The following CRTC3 variants were observed in gnomAD, a reference collection of about 807,000 sequenced individuals.
CRTC3 encodes CREB regulated transcription coactivator 3, also known as CREB-regulated transcription coactivator 3.
Under a neutral mutation model 74.5 loss-of-function variants are expected in CRTC3, and 26 were observed. That is an observed-to-expected ratio of 0.35 (90% CI 0.26 to 0.48). CRTC3 has a LOEUF of 0.48. CRTC3 is among the 20% of genes least tolerant of loss of function. The pLI is 0.99. For synonymous variants in CRTC3, 377 were observed against 325.8 expected, an observed-to-expected ratio of 1.16 and a Z score of -1.69; for missense variants, 760 against 787.3, an observed-to-expected ratio of 0.97 and a Z score of 0.41.
Position 90,642,952 on chromosome 15 carries a change from T to C in CRTC3, c.*812T>C. On this transcript the variant is annotated 3_prime_UTR_variant, in exon 15 of 15. Coordinates refer to ENST00000268184, the MANE Select transcript of CRTC3 (RefSeq NM_022769.5). ...CATACTCAGTGGCCTCCAGACAAAC[T>C]CCAGACAAGCACAGACCTCCCCACT... 1 of 232,510 alleles carries C rather than the reference T, an allele frequency of 4.3e-6. No homozygotes were observed. The highest frequency in any genetic ancestry group is 8.5e-6 in the Non-Finnish European group (1 of 117,830). The allele number at this position is 232,510 out of a possible 1,614,324, so 14.4% of individuals were successfully genotyped here.
intron 2 of CRTC3, among the ~76,000 whole-genome samples, chr15:90,557,447 C>T (rs993108297): frequency 1.1e-4 from 17 of 152,168 alleles, no homozygotes; most frequent in African/African-American, 2.7e-4. Context: ...CAAACTAGCA[C>T]GCCCCCTTCC....
At chr15:90,557,182 A>G (rs1478087100) in intron 2 of CRTC3, among the ~76,000 whole-genome samples, 1 of 152,088 alleles carries the variant, frequency 6.6e-6, no homozygotes, top group Non-Finnish European at 1.5e-5. Flanking sequence ...TCTGAGAACA[A>G]ACTTAGCAAA....
intron 2 of CRTC3, among the ~76,000 whole-genome samples, chr15:90,552,383 C>T (rs1966861282): frequency 6.6e-6 from 1 of 152,242 alleles, no homozygotes; most frequent in Admixed American, 6.5e-5. Context: ...AGAGTCTCCA[C>T]AGAGATCTCA....
intron 6 of CRTC3, among the ~76,000 whole-genome samples, chr15:90,610,768 G>A (rs557833770): frequency 6.6e-6 from 1 of 152,314 alleles, no homozygotes; most frequent in South Asian, 2.1e-4. Flanking sequence ...CATAGCCTAG[G>A]ACTGTCTCCT....
At chr15:90,581,594 T>C (rs965453792) in intron 2 of CRTC3, among the ~76,000 whole-genome samples, 1 of 152,182 alleles carries the variant, frequency 6.6e-6, no homozygotes, top group Non-Finnish European at 1.5e-5. Flanking sequence ...TTTATGACAG[T>C]ATCATAACTT....
chr15:90,573,232 G>A (rs111599270), intron 2 of CRTC3, among the ~76,000 whole-genome samples: 37 of 152,286 alleles, frequency 2.4e-4, no homozygotes, highest in African/African-American at 8.9e-4. Context: ...ACTCAAGGGC[G>A]GGGATTCCAC....
chr15:90,596,703 G>A lies in CRTC3; in HGVS notation c.351+2948G>A, dbSNP rs76597514. On this transcript the variant is annotated intron_variant, in intron 3 of 14. Transcript: ENST00000268184. ...CTTGGAGGAGGAGGGCTGTGATTCCGTCTTTGCTTTCACGACCTGCATTCT... is the reference window on the plus strand; with the variant it reads ...CTTGGAGGAGGAGGGCTGTGATTCCATCTTTGCTTTCACGACCTGCATTCT... 7.9e-3 allele frequency among the ~76,000 whole-genome samples: 1,201 copies of A among 152,278 alleles called. 44 individuals are homozygous for A. In the East Asian group the frequency reaches 0.12, roughly 15 times the overall value.
intron 2 of CRTC3, among the ~76,000 whole-genome samples, chr15:90,549,251 C>T (rs1966849954): frequency 6.6e-6 from 1 of 151,498 alleles, no homozygotes; most frequent in South Asian, 2.1e-4. Context: ...TCACTGCCCC[C>T]TTATTGTTTG....
In CRTC3 at chr15:90,618,141, G is replaced by A. The variant is rs576311286; in HGVS notation, c.699+173G>A. 320 of 427,184 alleles carry A rather than the reference G, an allele frequency of 7.5e-4. 1 individual carries two copies. Among genetic ancestry groups the A allele is most frequent in the Non-Finnish European group, 1.1e-3 (259 of 236,832 alleles). 26.5% of individuals were successfully genotyped at this position (427,184 alleles called of 1,614,324 possible). Reference sequence around the variant, plus strand: ...GGACGTTTCAAGTAAAAATTATCGCGCTTGTGTCAATGAATTAGCACATTG... The same window carrying A: ...GGACGTTTCAAGTAAAAATTATCGCACTTGTGTCAATGAATTAGCACATTG... On this transcript the variant is annotated intron_variant, in intron 8 of 14. Transcript: ENST00000268184.
chr15:90,535,142 C>T (rs1966696670), intron 1 of CRTC3, among the ~76,000 whole-genome samples: 1 of 132,264 alleles, frequency 7.6e-6, no homozygotes. Flanking sequence ...ACCTGGGCAA[C>T]AAGAGCGAAA....
chr15:90,617,773 C>T, intron 7 of CRTC3, 110 bp from the exon 8 acceptor site: 1 of 694,070 alleles, frequency 1.4e-6, no homozygotes, highest in Non-Finnish European at 2.6e-6. Flanking sequence ...TCAAGCGATC[C>T]TCCTGCCTCA....
intron 13 of CRTC3, among the ~76,000 whole-genome samples, chr15:90,640,784 G>A (rs752675679): frequency 6.6e-6 from 1 of 152,108 alleles, no homozygotes; most frequent in Non-Finnish European, 1.5e-5. Flanking sequence ...AAAGGCCTTG[G>A]TGAGGCTGAG....
chr15:90,601,146 T>C (rs535649691), intron 3 of CRTC3, among the ~76,000 whole-genome samples: 4 of 152,326 alleles, frequency 2.6e-5, no homozygotes, highest in East Asian at 3.9e-4. Context: ...AGAAGGCTAT[T>C]GTGTGGGAAC....
rs1002013979 is a variant in CRTC3, at chr15:90,598,521, G to C, written c.352-3803G>C. ...TCGAGGAGGAAGATTTTCCTGCACAGAACTGCAGAGGCTTGGGGAGAGAGA... is the reference window on the plus strand; with the variant it reads ...TCGAGGAGGAAGATTTTCCTGCACACAACTGCAGAGGCTTGGGGAGAGAGA... On this transcript the variant is annotated intron_variant, in intron 3 of 14. Coordinates refer to ENST00000268184, the MANE Select transcript of CRTC3 (RefSeq NM_022769.5). The C allele has an allele frequency of 3.4e-5, 24 of 702,622 alleles. No individual in the cohort carries two copies. The East Asian group carries it at 6.4e-4, about 19-fold the overall frequency. The allele number at this position is 702,622 out of a possible 1,614,324, so 43.5% of individuals were successfully genotyped here. A position where few individuals can be genotyped will look rare whatever the true frequency, so the allele number is the denominator to read the frequency against.
In CRTC3 at chr15:90,542,173, T is replaced by C. The variant is rs148369395; in HGVS notation, c.231+2036T>C. Among the ~76,000 whole-genome samples the C allele has an allele frequency of 3.1e-3, 449 of 146,620 alleles. 3 individuals carry two copies. The highest frequency in any genetic ancestry group is 0.011 in the African/African-American group (435 of 39,032). On this transcript the variant is annotated intron_variant, in intron 2 of 14. Transcript: ENST00000268184. The stretch of plus-strand genomic sequence containing the variant: ...ACTTACACAATACTTGGAAGTATAG[T>C]CCACTTAATTTTTTTTTTTTTTTGA...
At chr15:90,576,682 T>G (rs959302984) in intron 2 of CRTC3, among the ~76,000 whole-genome samples, 1 of 152,142 alleles carries the variant, frequency 6.6e-6, no homozygotes, top group African/African-American at 2.4e-5. Flanking sequence ...TGGGACGGCA[T>G]GGAGCCCCAG....
chr15:90,627,564 CA>C (rs371498814), intron 10 of CRTC3, among the ~76,000 whole-genome samples: 46 of 151,850 alleles, frequency 3.0e-4, no homozygotes, highest in African/African-American at 1.1e-3. Flanking sequence ...GTTGTCTTCT[CA>C]AAAAAGCACT....
intron 2 of CRTC3, among the ~76,000 whole-genome samples, chr15:90,540,688 G>A (rs1966788420): frequency 1.3e-5 from 2 of 152,028 alleles, no homozygotes; most frequent in Admixed American, 6.6e-5. Context: ...CATGAGAATC[G>A]CTTGAACCCA....
At position 90,613,577 on chromosome 15, in the gene CRTC3, G is replaced by C. The variant is rs75193248; in HGVS notation, c.578-876G>C. ...TGCAGAAACTTATTAAATATGGGTT[G>C]AGTGAATGGTTATTAGACATTTCAT... On this transcript the variant is annotated intron_variant, in intron 6 of 14. Transcript: ENST00000268184. The C allele has an allele frequency of 3.3e-5, 5 of 152,278 alleles. No individual in the cohort carries two copies. In the East Asian group the frequency reaches 9.6e-4, roughly 29 times the overall value. 9.4% of individuals were successfully genotyped at this position (152,278 alleles called of 1,614,324 possible). A position where few individuals can be genotyped will look rare whatever the true frequency, so the allele number is the denominator to read the frequency against.
Sources: allele counts gnomAD v4.1 joint callset (sites outside exome capture counted in the v4.1 genomes callset), GRCh38; gene constraint gnomAD v4.1.1; transcripts MANE v1.5; gene names NCBI Gene and HGNC (gene_info 2026-07-23, HGNC 2026-07-21).